Variants in SCN9A observed in about 807,000 individuals in gnomAD.
SCN9A encodes sodium voltage-gated channel alpha subunit 9.
Under a neutral mutation model 187.0 loss-of-function variants are expected in SCN9A, and 131 were observed. That is an observed-to-expected ratio of 0.70 (90% CI 0.61 to 0.81). The LOEUF is 0.81. Ranked by LOEUF, SCN9A falls within the 30% of genes least tolerant of loss-of-function variation. The probability of loss-of-function intolerance (pLI) is 0.00; values close to 1 mark genes in which losing one functional copy is unlikely to be tolerated. For missense variants in SCN9A, 2,252 were observed against 2,396.6 expected, an observed-to-expected ratio of 0.94 and a Z score of 1.26; for synonymous variants, 809 against 808.6, an observed-to-expected ratio of 1.00 and a Z score of -0.01.
Position 166,224,577 on chromosome 2 carries a change from A to G in SCN9A, c.4398+1990T>C, listed in dbSNP as rs552740093. Among the ~76,000 whole-genome samples, 7 of 152,260 alleles carry G rather than the reference A, an allele frequency of 4.6e-5. 1 individual carries two copies. The highest frequency in any genetic ancestry group is 1.7e-4 in the African/African-American group (7 of 41,558). On this transcript the variant is annotated intron_variant, in intron 24 of 26. Coordinates refer to ENST00000642356, the MANE Select transcript of SCN9A (RefSeq NM_001365536.1). The stretch of plus-strand genomic sequence containing the variant: ...TCAGTTAGTTGACAAGAAACTCCAG[A>G]ATTAGACTCCTTTATCTCTTGCAAA...
chr2:166,374,480 T>C (rs1373138159), intron 1 of SCN9A, among the ~76,000 whole-genome samples: 1 of 152,170 alleles, frequency 6.6e-6, no homozygotes, highest in Non-Finnish European at 1.5e-5. Context: ...TAATCAATAA[T>C]TTTTAAAAAA....
At chr2:166,313,008 T>TTA (rs138488726) in intron 1 of SCN9A, among the ~76,000 whole-genome samples, 1 of 120,070 alleles carries the variant, frequency 8.3e-6, no homozygotes, top group Non-Finnish European at 1.8e-5. Flanking sequence ...ATTTTCTGAA[T>TTA]AATTAAATAA....
chr2:166,313,220 T>G (rs1469527983), intron 1 of SCN9A, among the ~76,000 whole-genome samples: 1 of 152,040 alleles, frequency 6.6e-6, no homozygotes, highest in Non-Finnish European at 1.5e-5. Context: ...AATTAGCATT[T>G]GCTTCAATTT....
chr2:166,306,052 A>G, intron 4 of SCN9A, 132 bp from the exon 5 acceptor site: 1 of 923,734 alleles, frequency 1.1e-6, no homozygotes, highest in Non-Finnish European at 1.6e-6. Context: ...TTATGGACAC[A>G]CCCTATTAAA....
intron 1 of SCN9A, among the ~76,000 whole-genome samples, chr2:166,345,468 C>T (rs16851960): frequency 0.22 from 33,113 of 151,384 alleles, 4,454 homozygotes; most frequent in African/African-American, 0.38. Flanking sequence ...AGCTTATATC[C>T]GCCTCTTTTG....
chr2:166,255,581 CA>C (rs1277071905), intron 17 of SCN9A, among the ~76,000 whole-genome samples: 1 of 151,288 alleles, frequency 6.6e-6, no homozygotes, highest in Non-Finnish European at 1.5e-5. Flanking sequence ...CAGCACTGTA[CA>C]AAACACAGAA....
intron 2 of SCN9A, among the ~76,000 whole-genome samples, 156 bp downstream of exon 2, chr2:166,311,329 CCTATATATATATAT>C (rs1374356468): frequency 0.015 from 704 of 47,912 alleles, 89 homozygotes; most frequent in South Asian, 0.032. Flanking sequence ...TTCTGAATAT[CCTATATATATATAT>C]ATATATATAT....
chr2:166,265,080 ACTT>A (rs1469107945), intron 17 of SCN9A, among the ~76,000 whole-genome samples: 2 of 151,924 alleles, frequency 1.3e-5, no homozygotes, highest in African/African-American at 4.8e-5. Context: ...CCATTTAAAA[ACTT>A]CTAGCTATTT....
At chr2:166,246,832 A>C (rs1323095262) in intron 18 of SCN9A, among the ~76,000 whole-genome samples, 1 of 152,068 alleles carries the variant, frequency 6.6e-6, no homozygotes. Context: ...ATCTGAAATG[A>C]AGTTTCATAA....
chr2:166,294,743 T>C (rs936480378), intron 7 of SCN9A, 81 bp from the exon 8 acceptor site: 2 of 913,372 alleles, frequency 2.2e-6, no homozygotes, highest in Non-Finnish European at 3.3e-6. Context: ...TTAATTGATA[T>C]AGACATTTAT....
At chr2:166,257,517 C>T (rs1696331835) in intron 17 of SCN9A, among the ~76,000 whole-genome samples, 1 of 151,552 alleles carries the variant, frequency 6.6e-6, no homozygotes, top group African/African-American at 2.4e-5. Context: ...AGAAATTTTA[C>T]ATGGATAAAA....
chr2:166,373,005 C>A (rs1195307280), intron 1 of SCN9A, among the ~76,000 whole-genome samples: 1 of 152,034 alleles, frequency 6.6e-6, no homozygotes, highest in East Asian at 1.9e-4. Context: ...ACAAGATGAT[C>A]AAAAATGATC....
In SCN9A at chr2:166,311,330, CTATATATATATATATATATATATATA is replaced by C. The variant is rs10688081; in HGVS notation, c.258+143_258+168del. Among the ~76,000 whole-genome samples, 10 of 46,722 alleles carry C rather than the reference CTATATATATATATATATATATATATA, an allele frequency of 2.1e-4. 2 individuals carry two copies. The highest frequency in any genetic ancestry group is 2.5e-3 in the East Asian group (2 of 806). 30.7% of individuals were successfully genotyped at this position (46,722 alleles called of 152,430 possible). A position where few individuals can be genotyped will look rare whatever the true frequency, so the allele number is the denominator to read the frequency against. The stretch of plus-strand genomic sequence containing the variant: ...TGAAAAAGTACAGATTCTGAATATC[CTATATATATATATATATATATATATA>C]TATATATATATATATATATATTTAA... On this transcript the variant is annotated intron_variant, in intron 2 of 26. Coordinates refer to ENST00000642356, the MANE Select transcript of SCN9A (RefSeq NM_001365536.1).
chr2:166,290,025 C>T (rs1697970020), intron 9 of SCN9A, among the ~76,000 whole-genome samples: 1 of 152,136 alleles, frequency 6.6e-6, no homozygotes, highest in Non-Finnish European at 1.5e-5. Context: ...GTTTTAAGAC[C>T]TGCATGCATT....
intron 24 of SCN9A, among the ~76,000 whole-genome samples, chr2:166,225,461 C>T (rs1249316089): frequency 1.3e-5 from 2 of 152,026 alleles, no homozygotes; most frequent in Non-Finnish European, 2.9e-5. Context: ...CAAGATACAT[C>T]GAATTTACTA....
At chr2:166,293,507 G>A in intron 8 of SCN9A, 135 bp from the exon 9 acceptor site, 1 of 715,164 alleles carries the variant, frequency 1.4e-6, no homozygotes, top group Non-Finnish European at 2.1e-6. Flanking sequence ...TACATGATTT[G>A]GCTACTGACT....
At chr2:166,297,222 A>AAAAAAAAAAC in intron 7 of SCN9A, among the ~76,000 whole-genome samples, 2 of 139,776 alleles carry the variant, frequency 1.4e-5, no homozygotes, top group Non-Finnish European at 3.1e-5. Flanking sequence ...AAAAAAAAAA[A>AAAAAAAAAAC]AAAAAGAACC....
At chr2:166,374,608 T>G (rs1488561473) in intron 1 of SCN9A, among the ~76,000 whole-genome samples, 1 of 152,104 alleles carries the variant, frequency 6.6e-6, no homozygotes, top group Non-Finnish European at 1.5e-5. Context: ...TTATATAAAA[T>G]AGGTTTATAT....
intron 24 of SCN9A, among the ~76,000 whole-genome samples, chr2:166,209,899 C>T (rs938308974): frequency 1.3e-5 from 2 of 152,070 alleles, no homozygotes; most frequent in South Asian, 2.1e-4. Flanking sequence ...GTCCGTGTGG[C>T]GATTCCTCAA....
Sources: allele counts gnomAD v4.1 joint callset (sites outside exome capture counted in the v4.1 genomes callset), GRCh38; gene constraint gnomAD v4.1.1; transcripts MANE v1.5; gene names NCBI Gene and HGNC (gene_info 2026-07-23, HGNC 2026-07-21).